CRADD: variants seen among roughly 807,000 people sequenced by gnomAD.
The protein encoded by CRADD is CARD and death domain containing adaptor protein.
In CRADD, 9 loss-of-function variants were observed where a neutral mutation model predicts 15.5. That is an observed-to-expected ratio of 0.58 (90% CI 0.35 to 1.01). The LOEUF is 1.01. Ranked by LOEUF, CRADD falls within the 50% of genes least tolerant of loss-of-function variation. The pLI, the probability that CRADD is intolerant of heterozygous loss-of-function variation, is 0.02. For missense variants in CRADD, 227 were observed against 250.3 expected, an observed-to-expected ratio of 0.91 and a Z score of 0.63; for synonymous variants, 118 against 107.6, an observed-to-expected ratio of 1.10 and a Z score of -0.60.
At chr12:93,789,219 G>A (rs994954288) in intron 2 of CRADD, among the ~76,000 whole-genome samples, 4 of 152,000 alleles carry the variant, frequency 2.6e-5, no homozygotes, top group Admixed American at 2.0e-4. Flanking sequence ...AGGCTAAGAA[G>A]TACCTGATGC....
In CRADD at chr12:93,753,920, G is replaced by T. The variant is rs1384654274; in HGVS notation, c.298+74848G>T. Among the ~76,000 whole-genome samples, 3 of 152,326 alleles carry T rather than the reference G, an allele frequency of 2.0e-5. No individual in the cohort carries two copies. In the East Asian group the frequency reaches 5.8e-4, roughly 29 times the overall value. On this transcript the variant is annotated intron_variant, in intron 2 of 2. Coordinates refer to ENST00000332896, the MANE Select transcript of CRADD (RefSeq NM_003805.5). ...GGCCCTCTTCTCACAGCTCTACTAG[G>T]AAGTGCCCCAGTGGGAACTCTGTGA...
chr12:93,835,938 G>C (rs561187768), intron 2 of CRADD, among the ~76,000 whole-genome samples: 1 of 152,064 alleles, frequency 6.6e-6, no homozygotes, highest in African/African-American at 2.4e-5. Flanking sequence ...TGAGGACCAG[G>C]TATTTCCTGT....
chr12:93,691,446 G>T (rs1328763114), intron 2 of CRADD, among the ~76,000 whole-genome samples: 1 of 151,920 alleles, frequency 6.6e-6, no homozygotes, highest in Non-Finnish European at 1.5e-5. Context: ...TAGAGACAGG[G>T]TTTCACCATG....
At chr12:93,876,932 T>C (rs949249769) in intron 2 of CRADD, among the ~76,000 whole-genome samples, 1 of 152,212 alleles carries the variant, frequency 6.6e-6, no homozygotes, top group Admixed American at 6.5e-5. Flanking sequence ...TAGTCCTCAC[T>C]GTCTGGGCTT....
At chr12:93,809,773 A>G (rs1172310541) in intron 2 of CRADD, among the ~76,000 whole-genome samples, 2 of 152,164 alleles carry the variant, frequency 1.3e-5, no homozygotes, top group African/African-American at 2.4e-5. Context: ...CCTTTTCTAC[A>G]TATATGAAAA....
intron 2 of CRADD, among the ~76,000 whole-genome samples, chr12:93,859,992 A>G (rs1958306937): frequency 6.6e-6 from 1 of 151,788 alleles, no homozygotes; most frequent in Non-Finnish European, 1.5e-5. Context: ...GGTCTCCCAT[A>G]GTACTGGTAT....
chr12:93,894,552 C>G (rs1189315698), exon 3 of CRADD: 1 of 173,440 alleles, frequency 5.8e-6, no homozygotes, highest in East Asian at 1.4e-4. Flanking sequence ...TGGCAGTGGC[C>G]AAGTGTCCCC....
chr12:93,711,055 C>CCCCCCCTTTTT, intron 2 of CRADD, among the ~76,000 whole-genome samples: 17 of 43,506 alleles, frequency 3.9e-4, no homozygotes, highest in Non-Finnish European at 5.3e-4. Flanking sequence ...CCACCCCCGC[C>CCCCCCCTTTTT]TTTTTTTTTT....
At chr12:93,720,291 A>AT (rs1201564239) in intron 2 of CRADD, among the ~76,000 whole-genome samples, 1 of 152,106 alleles carries the variant, frequency 6.6e-6, no homozygotes, top group Non-Finnish European at 1.5e-5. Flanking sequence ...CTGACAGCAG[A>AT]TTTTATATGG....
At chr12:93,678,710 T>C in intron 1 of CRADD, 59 bp from the exon 2 acceptor site, 2 of 1,546,526 alleles carry the variant, frequency 1.3e-6, no homozygotes, top group Non-Finnish European at 1.7e-6. Context: ...GCAGTGACAC[T>C]GTCTTTAGGG....
At chr12:93,734,739 C>T (rs1221622647) in intron 2 of CRADD, among the ~76,000 whole-genome samples, 4 of 152,166 alleles carry the variant, frequency 2.6e-5, no homozygotes, top group South Asian at 2.1e-4. Context: ...CTTTCCTGAC[C>T]TCAGAGGTAT....
Position 93,677,390 on chromosome 12 carries a change from G to A in CRADD, c.-89G>A, listed in dbSNP as rs1336308046. On this transcript the variant is annotated 5_prime_UTR_variant, in exon 1 of 3. It removes an upstream start codon present in the reference 5' UTR. Coordinates refer to ENST00000332896, the MANE Select transcript of CRADD (RefSeq NM_003805.5). ...TAGGGTTTTCGCCATTAACAAAGATGGTGCTTATGGGGCAGGTTCCCTAAC... is the reference window on the plus strand; with the variant it reads ...TAGGGTTTTCGCCATTAACAAAGATAGTGCTTATGGGGCAGGTTCCCTAAC... The A allele has an allele frequency of 6.6e-6, 1 of 152,210 alleles. No individual in the cohort carries two copies. The highest frequency in any genetic ancestry group is 1.5e-5 in the Non-Finnish European group (1 of 68,042). 9.4% of individuals were successfully genotyped at this position (152,210 alleles called of 1,614,324 possible).
downstream of CRADD, among the ~76,000 whole-genome samples, chr12:93,853,570 A>G (rs1250178392): frequency 1.3e-5 from 2 of 152,200 alleles, no homozygotes; most frequent in Non-Finnish European, 2.9e-5. Context: ...CCATGTTCCA[A>G]GCAGTAGAGC....
intron 2 of CRADD, among the ~76,000 whole-genome samples, chr12:93,691,075 C>T (rs1040468530): frequency 2.0e-5 from 3 of 152,056 alleles, no homozygotes; most frequent in Admixed American, 6.5e-5. Context: ...TATCTCTTCC[C>T]TTTCAATCTC....
At chr12:93,834,072 G>T (rs1304121328) in intron 2 of CRADD, among the ~76,000 whole-genome samples, 1 of 152,068 alleles carries the variant, frequency 6.6e-6, no homozygotes, top group Non-Finnish European at 1.5e-5. Context: ...AATGTGGTGG[G>T]CGCATAAGAT....
At chr12:93,842,037 C>G (rs1958054284) in intron 2 of CRADD, among the ~76,000 whole-genome samples, 2 of 152,094 alleles carry the variant, frequency 1.3e-5, no homozygotes, top group African/African-American at 4.8e-5. Context: ...TCTCATATCA[C>G]AAAATAACTG....
intron 2 of CRADD, among the ~76,000 whole-genome samples, chr12:93,772,816 A>T (rs1388297945): frequency 6.6e-6 from 1 of 152,158 alleles, no homozygotes; most frequent in Non-Finnish European, 1.5e-5. Context: ...TTTCCTAGCT[A>T]GGCCTGCTGA....
At chr12:93,893,098 AG>A (rs1458157640) in intron 2 of CRADD, among the ~76,000 whole-genome samples, 3 of 152,136 alleles carry the variant, frequency 2.0e-5, no homozygotes, top group African/African-American at 7.2e-5. Flanking sequence ...CAGGGAGCTC[AG>A]GTTACCAGTT....
At chr12:93,732,780 G>A (rs1677946029) in intron 2 of CRADD, among the ~76,000 whole-genome samples, 1 of 152,226 alleles carries the variant, frequency 6.6e-6, no homozygotes, top group Admixed American at 6.5e-5. Flanking sequence ...GAGTTGTTGA[G>A]AGGATTAAAT....
Sources: allele counts gnomAD v4.1 joint callset (sites outside exome capture counted in the v4.1 genomes callset), GRCh38; gene constraint gnomAD v4.1.1; transcripts MANE v1.5; gene names NCBI Gene and HGNC (gene_info 2026-07-23, HGNC 2026-07-21).